OSBPL1A: variants seen among roughly 807,000 people sequenced by gnomAD.
The protein encoded by OSBPL1A is oxysterol binding protein like 1A.
Under a neutral mutation model 137.1 loss-of-function variants are expected in OSBPL1A, and 80 were observed. The ratio of observed to expected loss-of-function variants is 0.58; its 90% CI spans 0.49 to 0.70. The LOEUF (loss-of-function observed/expected upper bound fraction) is 0.70, where lower values mean the gene tolerates loss of function less well. Among genes scored for constraint, OSBPL1A ranks in the 30% least tolerant of loss-of-function variants. OSBPL1A has a pLI of 0.00. For synonymous variants in OSBPL1A, 365 were observed against 389.7 expected (o/e 0.94, Z 0.75); for missense variants, 970 against 1,129.4 (o/e 0.86, Z 2.02).
At chr18:24,298,040 AT>A (rs1271412400) in intron 14 of OSBPL1A, among the ~76,000 whole-genome samples, 1 of 152,190 alleles carries the variant, frequency 6.6e-6, no homozygotes, top group East Asian at 1.9e-4. Context: ...GACCTTGCTG[AT>A]AAAACAGGTT....
At chr18:24,331,099 C>T (rs1172762369) in intron 7 of OSBPL1A, among the ~76,000 whole-genome samples, 1 of 151,974 alleles carries the variant, frequency 6.6e-6, no homozygotes, top group African/African-American at 2.4e-5. Flanking sequence ...GCCTGTGAAA[C>T]TATTTCTAAT....
intron 4 of OSBPL1A, among the ~76,000 whole-genome samples, chr18:24,350,661 G>C (rs1185360652): frequency 6.6e-6 from 1 of 151,976 alleles, no homozygotes; most frequent in Admixed American, 6.6e-5. Flanking sequence ...ACAGGAACAG[G>C]AATAAGAATA....
chr18:24,270,282 T>G (rs1172108813), intron 15 of OSBPL1A, among the ~76,000 whole-genome samples: 1 of 152,220 alleles, frequency 6.6e-6, no homozygotes, highest in Non-Finnish European at 1.5e-5. Flanking sequence ...ATTTTCTCAG[T>G]TATGCACAAT....
chr18:24,174,915 G>A (rs1394692003), intron 21 of OSBPL1A, among the ~76,000 whole-genome samples: 3 of 151,156 alleles, frequency 2.0e-5, no homozygotes, highest in Non-Finnish European at 4.4e-5. Context: ...TATGACTACA[G>A]GCATGTGTCC....
intron 14 of OSBPL1A, among the ~76,000 whole-genome samples, chr18:24,299,296 T>A (rs914828836): frequency 1.3e-5 from 2 of 152,026 alleles, no homozygotes; most frequent in Non-Finnish European, 2.9e-5. Flanking sequence ...AGATACTTTG[T>A]TTTTTTTCAT....
intron 24 of OSBPL1A, 142 bp downstream of exon 24, chr18:24,170,185 A>T (rs2145908174): frequency 1.0e-6 from 1 of 986,924 alleles, no homozygotes; most frequent in Non-Finnish European, 1.5e-6. Context: ...ATGTCTGATC[A>T]TTAAAAAGAG....
intron 4 of OSBPL1A, among the ~76,000 whole-genome samples, chr18:24,346,283 C>G (rs1297061225): frequency 6.6e-6 from 1 of 152,056 alleles, no homozygotes; most frequent in African/African-American, 2.4e-5. Context: ...ATCCTCATGC[C>G]CAGATTATTT....
chr18:24,355,985 C>CGAA (rs2091527245), intron 4 of OSBPL1A, among the ~76,000 whole-genome samples: 1 of 97,430 alleles, frequency 1.0e-5, no homozygotes. Context: ...ACTCTTGTCT[C>CGAA]AAAAAAAAAA....
chr18:24,247,632 T>A (rs1342632898), intron 15 of OSBPL1A, among the ~76,000 whole-genome samples: 1 of 151,666 alleles, frequency 6.6e-6, no homozygotes. Context: ...CTGGCTAATT[T>A]TTTTTGTAAT....
At chr18:24,291,525 A>G (rs1174766501) in intron 14 of OSBPL1A, among the ~76,000 whole-genome samples, 1 of 152,216 alleles carries the variant, frequency 6.6e-6, no homozygotes, top group Non-Finnish European at 1.5e-5. Flanking sequence ...AAGGCTCAAC[A>G]TATGTCTATT....
chr18:24,236,863 C>T (rs1409553168), intron 16 of OSBPL1A, among the ~76,000 whole-genome samples: 2 of 152,058 alleles, frequency 1.3e-5, no homozygotes, highest in African/African-American at 2.4e-5. Flanking sequence ...CCGGAGGAGA[C>T]GACTATTAAA....
chr18:24,189,914 C>A (rs1418491872), intron 18 of OSBPL1A, among the ~76,000 whole-genome samples: 4 of 152,212 alleles, frequency 2.6e-5, no homozygotes, highest in Admixed American at 2.6e-4. Context: ...GAAGGCGCCA[C>A]GGAGTGGGAA....
At position 24,179,814 on chromosome 18, in the gene OSBPL1A, A is replaced by G; in HGVS notation, c.1834T>C (p.Ser612Pro). ...RMQCVAAFAV[S>P]AVASQWERTG... Reference sequence around the variant, plus strand: ...CGTTCCCACTGAGAAGCAACAGCAGATACAGCAAACGCAGCTACACACTGT... The same window carrying G: ...CGTTCCCACTGAGAAGCAACAGCAGGTACAGCAAACGCAGCTACACACTGT... The change falls in exon 20 of 28, where the codon TCT (serine) becomes CCT (proline). Residue 612 changes from serine (S) to proline (P), a missense_variant. Ser to Pro is a moderately conservative substitution (Grantham distance 74). This residue lies in a region of OSBPL1A where 323 missense variants were observed against 456.8 expected (regional missense o/e 0.71). Transcript: ENST00000319481. 6.2e-7 allele frequency: 1 copy of G among 1,614,226 alleles called. No homozygotes were observed. Among genetic ancestry groups the G allele is most frequent in the Non-Finnish European group, 8.5e-7 (1 of 1,180,032 alleles).
rs145327487 is a variant in OSBPL1A, at chr18:24,354,654, A to G, written c.282+12238T>C. Among the ~76,000 whole-genome samples the G allele has an allele frequency of 2.6e-3, 387 of 151,288 alleles. 2 individuals carry two copies. The highest frequency in any genetic ancestry group is 9.0e-3 in the African/African-American group (371 of 41,304). On this transcript the variant is annotated intron_variant, in intron 4 of 27. Transcript: ENST00000319481. ...CAGCAGAAATCAGCCAAACTCTAAG[A>G]GAAAAAGGAAAGAAAAAAGAAGAAA... is the stretch of plus-strand genomic sequence containing the variant.
At position 24,167,392 on chromosome 18, in the gene OSBPL1A, T is replaced by C. The variant is rs1476385148; in HGVS notation, c.2472A>G (p.Val824=). 1 of 1,614,200 alleles carries C rather than the reference T, an allele frequency of 6.2e-7. No individual in the cohort carries two copies. Among genetic ancestry groups the C allele is most frequent in the South Asian group, 1.1e-5 (1 of 91,086 alleles). The change falls in exon 25 of 28, where the codon GTA becomes GTG. Residue 824 remains valine, a synonymous_variant. Coordinates refer to ENST00000319481, the MANE Select transcript of OSBPL1A (RefSeq NM_080597.4). The part of the protein sequence containing the change: ...DEMPVPDSES[V]FIIPGSVLLW... ...GAAGAACGCTTCCAGGGATAATGAA[T>C]ACACTTTCAGAATCCGGCACTGGCA...
At chr18:24,317,524 A>C in intron 9 of OSBPL1A, 124 bp from the exon 10 acceptor site, 1 of 743,162 alleles carries the variant, frequency 1.3e-6, no homozygotes, top group Middle Eastern at 3.9e-4. Context: ...TGAACAGTAA[A>C]AAAAAATGAT....
chr18:24,256,857 C>T (rs966017927), intron 15 of OSBPL1A, among the ~76,000 whole-genome samples: 1 of 142,590 alleles, frequency 7.0e-6, no homozygotes, highest in Admixed American at 7.4e-5. Context: ...ATCCCATTTA[C>T]AATAGCCACA....
In OSBPL1A at chr18:24,332,971, C is replaced by T. The variant is rs1374600889; in HGVS notation, c.596G>A (p.Gly199Glu). The T allele has an allele frequency of 6.2e-7, 1 of 1,614,084 alleles. No homozygotes were observed. Among genetic ancestry groups the T allele is most frequent in the Non-Finnish European group, 8.5e-7 (1 of 1,180,050 alleles). Reference sequence around the variant, plus strand: ...TTTGTTCTTCAGATTAGGGTCTGCTCCACTTCTTAGAAGCTTTAAGGCACA... The same window carrying T: ...TTTGTTCTTCAGATTAGGGTCTGCTTCACTTCTTAGAAGCTTTAAGGCACA... Reference protein sequence around the residue: ...KQCALKLLRSGADPNLKNKND... With the variant: ...KQCALKLLRSEADPNLKNKND... The change falls in exon 7 of 28, where the codon GGA becomes GAA. Residue 199 changes from glycine to glutamate, a missense_variant. By Grantham distance (98) the Gly-to-Glu change is moderately conservative (BLOSUM62 -2). Coordinates refer to ENST00000319481, the MANE Select transcript of OSBPL1A (RefSeq NM_080597.4).
chr18:24,188,748 T>A (rs1372995152), intron 18 of OSBPL1A, among the ~76,000 whole-genome samples: 1 of 152,212 alleles, frequency 6.6e-6, no homozygotes, highest in Non-Finnish European at 1.5e-5. Flanking sequence ...TATTTTTAAA[T>A]AATCTTACAA....
Sources: allele counts gnomAD v4.1 joint callset (sites outside exome capture counted in the v4.1 genomes callset), GRCh38; gene constraint gnomAD v4.1.1; regional missense constraint gnomAD v4.1.1; transcripts MANE v1.5; gene names NCBI Gene and HGNC (gene_info 2026-07-23, HGNC 2026-07-21).